ELAVL2: variants seen among roughly 807,000 people sequenced by gnomAD.
ELAVL2 encodes the protein ELAV-like protein 2.
ELAVL2 carries 4 observed loss-of-function variants against 34.6 expected under a neutral mutation model. The ratio of observed to expected loss-of-function variants is 0.12; its 90% CI spans 0.06 to 0.26. The LOEUF (loss-of-function observed/expected upper bound fraction) is 0.26. Ranked by LOEUF, ELAVL2 falls within the 10% of genes least tolerant of loss-of-function variation. The pLI is 1.00. For missense variants in ELAVL2, 432 were observed against 442.8 expected (o/e 0.98, Z 0.22); for synonymous variants, 193 against 154.8 (o/e 1.25, Z -1.83).
intron 2 of ELAVL2, among the ~76,000 whole-genome samples, chr9:23,756,197 T>C (rs1402449944): frequency 3.3e-5 from 5 of 152,092 alleles, no homozygotes. Flanking sequence ...AGACACAAGA[T>C]AAACCTAGCT....
At chr9:23,840,521 G>A in the ELAVL2 span, among the ~76,000 whole-genome samples, 9 of 152,126 alleles carry the variant, frequency 5.9e-5, no homozygotes, top group African/African-American at 1.4e-4. Context: ...TTTTGGTTCC[G>A]TTATCTCTGC....
At chr9:23,840,317 G>A in the ELAVL2 span, among the ~76,000 whole-genome samples, 2 of 152,146 alleles carry the variant, frequency 1.3e-5, no homozygotes, top group Middle Eastern at 3.2e-3. Flanking sequence ...TACCTGTGAG[G>A]TTTTTTTCTT....
At chr9:23,809,819 A>G (rs945693227) in intron 1 of ELAVL2, among the ~76,000 whole-genome samples, 30 of 152,082 alleles carry the variant, frequency 2.0e-4, no homozygotes, top group African/African-American at 7.2e-4. Flanking sequence ...TCCACTCCCA[A>G]CCAATTTTTC....
intron 1 of ELAVL2, among the ~76,000 whole-genome samples, chr9:23,816,885 TAAATACA>T (rs1425294900): frequency 2.0e-5 from 3 of 152,176 alleles, no homozygotes; most frequent in Non-Finnish European, 4.4e-5. Flanking sequence ...TTAGGCGTAT[TAAATACA>T]TTTTTAACTT....
chr9:23,819,575 C>T (rs1317639730), intron 1 of ELAVL2, among the ~76,000 whole-genome samples: 1 of 152,052 alleles, frequency 6.6e-6, no homozygotes, highest in Non-Finnish European at 1.5e-5. Flanking sequence ...GAAGACACTA[C>T]ACAATGAAGG....
intron 2 of ELAVL2, among the ~76,000 whole-genome samples, chr9:23,752,540 C>A (rs917529172): frequency 6.6e-6 from 1 of 151,848 alleles, no homozygotes; most frequent in South Asian, 2.1e-4. Context: ...CTGCAACCTC[C>A]GCCTCCCGGG....
intron 1 of ELAVL2, among the ~76,000 whole-genome samples, chr9:23,799,873 TCTTTC>T (rs1282643308): frequency 6.6e-6 from 1 of 152,200 alleles, no homozygotes; most frequent in Non-Finnish European, 1.5e-5. Flanking sequence ...TTTCCCATTC[TCTTTC>T]CTTTCCCAAA....
At chr9:23,792,370 C>A (rs554998960) in intron 1 of ELAVL2, among the ~76,000 whole-genome samples, 2 of 152,308 alleles carry the variant, frequency 1.3e-5, no homozygotes, top group South Asian at 2.1e-4. Flanking sequence ...CTGAACCATG[C>A]CCCCTCGCTT....
At chr9:23,788,329 G>C (rs2059939491) in intron 1 of ELAVL2, among the ~76,000 whole-genome samples, 1 of 152,064 alleles carries the variant, frequency 6.6e-6, no homozygotes, top group African/African-American at 2.4e-5. Flanking sequence ...TCCTCATTTA[G>C]GAAATGGAGA....
At chr9:23,696,919 A>T (rs558265595) in intron 5 of ELAVL2, among the ~76,000 whole-genome samples, 10 of 151,596 alleles carry the variant, frequency 6.6e-5, no homozygotes, top group Middle Eastern at 3.4e-3. Flanking sequence ...TATATATTTA[A>T]AATAAAATAT....
chr9:23,722,346 A>G (rs1219507623), intron 3 of ELAVL2, among the ~76,000 whole-genome samples: 1 of 152,214 alleles, frequency 6.6e-6, no homozygotes, highest in Non-Finnish European at 1.5e-5. Flanking sequence ...TATAATAATA[A>G]TTTTACTGTT....
chr9:23,773,175 T>C (rs988745063), intron 1 of ELAVL2, among the ~76,000 whole-genome samples: 19 of 152,224 alleles, frequency 1.2e-4, no homozygotes, highest in Non-Finnish European at 1.5e-4. Context: ...CAAGGAAATG[T>C]CTTGTTAATC....
upstream of ELAVL2, among the ~76,000 whole-genome samples, chr9:23,830,624 A>ACACACACACACACCCC (rs34847005): frequency 8.1e-6 from 1 of 124,074 alleles, no homozygotes; most frequent in Non-Finnish European, 1.8e-5. Flanking sequence ...ACACACACAC[A>ACACACACACACACCCC]CCTTTTTTTT....
intron 1 of ELAVL2, among the ~76,000 whole-genome samples, chr9:23,820,951 G>T (rs868579536): frequency 1.2e-4 from 19 of 152,120 alleles, no homozygotes; most frequent in African/African-American, 4.6e-4. Context: ...CGCACGAGGG[G>T]ATCATCATTG....
At position 23,772,534 on chromosome 9, in the gene ELAVL2, C is replaced by CAAAAA. The variant is rs11450267; in HGVS notation, c.-15-10290_-15-10286dup. Among the ~76,000 whole-genome samples, 225 of 67,530 alleles carry CAAAAA rather than the reference C, an allele frequency of 3.3e-3. 1 individual carries two copies. The highest frequency in any genetic ancestry group is 0.012 in the Middle Eastern group (1 of 86). 44.3% of individuals were successfully genotyped at this position (67,530 alleles called of 152,430 possible). The stretch of plus-strand genomic sequence containing the variant: ...CTGTTTAACCTCAAGCAGCTTACAC[C>CAAAAA]AAAAAAAAAAAAAAAAAAAAAAAGG... On this transcript the variant is annotated intron_variant, in intron 1 of 6. Transcript: ENST00000397312.
chr9:23,788,933 A>C (rs781098728), intron 1 of ELAVL2, among the ~76,000 whole-genome samples: 1 of 152,186 alleles, frequency 6.6e-6, no homozygotes, highest in Non-Finnish European at 1.5e-5. Context: ...TTTTCCATTT[A>C]ATATTTGTGA....
chr9:23,744,750 A>G (rs907585351), intron 2 of ELAVL2, among the ~76,000 whole-genome samples: 2 of 151,886 alleles, frequency 1.3e-5, no homozygotes, highest in Admixed American at 6.6e-5. Flanking sequence ...CCCCCCACGA[A>G]AAAAAATAAA....
chr9:23,823,568 A>G (rs2065085489), intron 1 of ELAVL2, among the ~76,000 whole-genome samples: 1 of 152,242 alleles, frequency 6.6e-6, no homozygotes, highest in South Asian at 2.1e-4. Context: ...AATGACAGCA[A>G]TAAGTAAGGG....
At chr9:23,711,631 C>T (rs1376418376) in intron 3 of ELAVL2, among the ~76,000 whole-genome samples, 1 of 152,190 alleles carries the variant, frequency 6.6e-6, no homozygotes, top group Admixed American at 6.5e-5. Context: ...AAAGTCAACA[C>T]TAATCAGTCC....
Sources: allele counts gnomAD v4.1 joint callset (sites outside exome capture counted in the v4.1 genomes callset), GRCh38; gene constraint gnomAD v4.1.1; transcripts MANE v1.5; gene names NCBI Gene and HGNC (gene_info 2026-07-23, HGNC 2026-07-21).